UBE2K: variants seen among roughly 807,000 people sequenced by gnomAD.
UBE2K encodes the protein ubiquitin conjugating enzyme E2 K.
A neutral mutation model predicts 30.0 loss-of-function variants in UBE2K; 6 were observed. The observed-to-expected ratio is 0.20, with a 90% CI of 0.11 to 0.39. The LOEUF (loss-of-function observed/expected upper bound fraction) is 0.39, where lower values mean the gene tolerates loss of function less well. Ranked by LOEUF, UBE2K falls within the 10% of genes least tolerant of loss-of-function variation. UBE2K has a pLI of 1.00. For missense variants in UBE2K, 61 were observed against 241.6 expected (o/e 0.25, Z 4.96); for synonymous variants, 86 against 83.7 (o/e 1.03, Z -0.15).
At chr4:39,711,629 A>T (rs916101013) in intron 1 of UBE2K, among the ~76,000 whole-genome samples, 20 of 151,990 alleles carry the variant, frequency 1.3e-4, no homozygotes, top group African/African-American at 4.6e-4. Context: ...TTTGGGGAAC[A>T]TGTAAGAGTT....
At chr4:39,700,924 G>GCCA (rs10639345) in intron 1 of UBE2K, among the ~76,000 whole-genome samples, 152,246 of 152,276 alleles carry the variant, frequency 1, 76,108 homozygotes, top group Middle Eastern at 1. Flanking sequence ...TGTGGAAGAG[G>GCCA]CCATTTGTGT....
rs191359561 is a variant in UBE2K, at chr4:39,760,357, G to T, written c.299+4618G>T. On this transcript the variant is annotated intron_variant, in intron 4 of 6. Transcript: ENST00000261427. ...TACTTTTTAAAAGACATGTATAAAAGAATATTTATGGCAGATTTATTAATA... is the reference window on the plus strand; with the variant it reads ...TACTTTTTAAAAGACATGTATAAAATAATATTTATGGCAGATTTATTAATA... 1.3e-3 allele frequency among the ~76,000 whole-genome samples: 200 copies of T among 152,062 alleles called. 1 individual carries two copies. The highest frequency in any genetic ancestry group is 4.4e-3 in the African/African-American group (184 of 41,474).
intron 1 of UBE2K, among the ~76,000 whole-genome samples, chr4:39,723,200 C>T (rs1038444230): frequency 1.3e-5 from 2 of 151,310 alleles, no homozygotes; most frequent in Non-Finnish European, 2.9e-5. Context: ...TATGCCACCA[C>T]ACCTAGATAA....
At chr4:39,734,367 A>G (rs977006426) in intron 1 of UBE2K, among the ~76,000 whole-genome samples, 2 of 152,062 alleles carry the variant, frequency 1.3e-5, no homozygotes, top group Admixed American at 6.6e-5. Flanking sequence ...GAGCCACCGC[A>G]TGCACCTGAC....
rs952223186 is a variant in UBE2K at position 39,782,700 on chromosome 4, T to C, written c.*4266T>C. The C allele has an allele frequency of 6.6e-6, 1 of 152,202 alleles. No homozygotes were observed. The highest frequency in any genetic ancestry group is 2.4e-5 in the African/African-American group (1 of 41,442). The allele number at this position is 152,202 out of a possible 1,614,324, so 9.4% of individuals were successfully genotyped here. On this transcript the variant is annotated 3_prime_UTR_variant, in exon 7 of 7. Transcript: ENST00000261427. ...AAACACTTTTGTACACAACTGATTT[T>C]TTAAAAAATAAACACATTTTTAAAG...
At chr4:39,731,187 C>T (rs1720055183) in intron 1 of UBE2K, among the ~76,000 whole-genome samples, 1 of 151,696 alleles carries the variant, frequency 6.6e-6, no homozygotes, top group Non-Finnish European at 1.5e-5. Context: ...GCCACGGCGC[C>T]CGGCCATCTT....
chr4:39,763,249 C>G (rs1030696511), intron 4 of UBE2K, among the ~76,000 whole-genome samples: 1 of 133,864 alleles, frequency 7.5e-6, no homozygotes, highest in Admixed American at 7.1e-5. Context: ...AGCCTTAAAA[C>G]ACTTTTTTTT....
chr4:39,772,265 G>A (rs1578508192), intron 4 of UBE2K, among the ~76,000 whole-genome samples: 2 of 152,146 alleles, frequency 1.3e-5, no homozygotes, highest in Middle Eastern at 3.4e-3. Context: ...AAAAAGGCTG[G>A]TTTAGAGTAA....
chr4:39,706,647 T>C (rs1178558075), intron 1 of UBE2K, among the ~76,000 whole-genome samples: 5 of 151,632 alleles, frequency 3.3e-5, no homozygotes, highest in Non-Finnish European at 7.4e-5. Flanking sequence ...TTTTTTATAT[T>C]GTTAGTAGAG....
Position 39,702,231 on chromosome 4 carries a change from C to CTTTTTTTTTTTTTTTTTTTTTTTTT in UBE2K, c.63+3857_63+3881dup, listed in dbSNP as rs564712672. Among the ~76,000 whole-genome samples, 19 of 67,370 alleles carry CTTTTTTTTTTTTTTTTTTTTTTTTT rather than the reference C, an allele frequency of 2.8e-4. 2 individuals carry two copies. The highest frequency in any genetic ancestry group is 5.2e-4 in the Non-Finnish European group (19 of 36,536). The allele number at this position is 67,370 out of a possible 152,430, so 44.2% of individuals were successfully genotyped here. A position where few individuals can be genotyped will look rare whatever the true frequency, so the allele number is the denominator to read the frequency against. On this transcript the variant is annotated intron_variant, in intron 1 of 6. Transcript: ENST00000261427. ...ATTTTCTTTTCTTTTCTTTTCTTTT[C>CTTTTTTTTTTTTTTTTTTTTTTTTT]TTTTTTTTTTTTTTTTTTTTTTTTT...
At chr4:39,748,828 TAAAG>T (rs1212687913) in intron 3 of UBE2K, among the ~76,000 whole-genome samples, 5 of 151,978 alleles carry the variant, frequency 3.3e-5, no homozygotes, top group East Asian at 1.9e-4. Flanking sequence ...CAAAAAAAAA[TAAAG>T]AACAAACAAG....
chr4:39,749,991 G>A (rs887922047), intron 3 of UBE2K, among the ~76,000 whole-genome samples: 2 of 152,156 alleles, frequency 1.3e-5, no homozygotes, highest in Admixed American at 1.3e-4. Flanking sequence ...CAGAGGTCAG[G>A]AGTTCAAGAC....
chr4:39,751,387 C>T (rs1326200868), intron 3 of UBE2K, among the ~76,000 whole-genome samples: 4 of 152,100 alleles, frequency 2.6e-5, no homozygotes, highest in East Asian at 1.9e-4. Context: ...CAGTGCTGAA[C>T]GCCATATCCT....
chr4:39,748,506 A>G (rs1330462565), intron 3 of UBE2K, among the ~76,000 whole-genome samples: 2 of 151,998 alleles, frequency 1.3e-5, no homozygotes, highest in Non-Finnish European at 2.9e-5. Flanking sequence ...CTGGCCAGGC[A>G]TGGTGGCTCA....
rs1553881428 is a variant in UBE2K at position 39,779,042 on chromosome 4, A to AAC, written c.*608_*609insAC. 3.1e-5 allele frequency: 4 copies of AAC among 128,312 alleles called. No homozygotes were observed. The highest frequency in any genetic ancestry group is 8.7e-5 in the Admixed American group (1 of 11,480). 7.9% of individuals were successfully genotyped at this position (128,312 alleles called of 1,614,324 possible). On this transcript the variant is annotated 3_prime_UTR_variant, in exon 7 of 7. Coordinates refer to ENST00000261427, the MANE Select transcript of UBE2K (RefSeq NM_005339.5). ...TGGGACAGTGTCTGATTCCCCCTTC[A>AAC]CCCCCCCCACCCCCGCCTTGCCACA...
chr4:39,744,462 G>A (rs62310123), intron 2 of UBE2K, among the ~76,000 whole-genome samples: 76,357 of 151,564 alleles, frequency 0.5, 20,040 homozygotes, highest in East Asian at 0.63. Flanking sequence ...ATGAGCCACC[G>A]CGCCGAGCCT....
In UBE2K at chr4:39,718,197, G is replaced by A. The variant is rs185426933; in HGVS notation, c.64-19223G>A. Among the ~76,000 whole-genome samples the A allele has an allele frequency of 2.0e-3, 301 of 152,256 alleles. 2 individuals are homozygous for A. Among genetic ancestry groups the A allele is most frequent in the African/African-American group, 6.7e-3 (277 of 41,540 alleles). On this transcript the variant is annotated intron_variant, in intron 1 of 6. Coordinates refer to ENST00000261427, the MANE Select transcript of UBE2K (RefSeq NM_005339.5). Reference sequence around the variant, plus strand: ...TGTTTTACAGAGAGTTGATTGGTCCGTTTTGACAGGGTGCTGATTGGTGCG... The same window carrying A: ...TGTTTTACAGAGAGTTGATTGGTCCATTTTGACAGGGTGCTGATTGGTGCG...
At chr4:39,771,205 GCACTGTGCAT>G (rs1712798130) in intron 4 of UBE2K, 1 of 1,612,644 alleles carries the variant, frequency 6.2e-7, no homozygotes, top group Non-Finnish European at 8.5e-7. Context: ...CACGATGCGT[GCACTGTGCAT>G]CAGGGAGACC....
chr4:39,753,128 C>T (rs1174195278), intron 3 of UBE2K, among the ~76,000 whole-genome samples: 1 of 152,208 alleles, frequency 6.6e-6, no homozygotes, highest in Non-Finnish European at 1.5e-5. Flanking sequence ...GTGGCTCACG[C>T]CTATAATCCT....
Sources: gnomAD v4.1 joint callset for allele counts (sites outside exome capture counted in the v4.1 genomes callset) on GRCh38, gnomAD v4.1.1 for gene constraint, MANE v1.5 for transcripts, NCBI Gene and HGNC (gene_info 2026-07-23, HGNC 2026-07-21) for gene names.